The following CDK17 variants were observed in gnomAD, a reference collection of about 807,000 sequenced individuals.
CDK17 encodes cyclin-dependent kinase 17.
A neutral mutation model predicts 77.6 loss-of-function variants in CDK17; 24 were observed. That is an observed-to-expected ratio of 0.31 (90% CI 0.22 to 0.44). The LOEUF (loss-of-function observed/expected upper bound fraction) is 0.44. Among genes scored for constraint, CDK17 ranks in the 20% least tolerant of loss-of-function variants. The probability of loss-of-function intolerance (pLI) is 1.00; values close to 1 mark genes in which losing one functional copy is unlikely to be tolerated. For synonymous variants in CDK17, 203 were observed against 210.4 expected, an observed-to-expected ratio of 0.96 and a Z score of 0.30; for missense variants, 429 against 622.5, an observed-to-expected ratio of 0.69 and a Z score of 3.31.
chr12:96,309,287 C>T (rs919652511), intron 5 of CDK17, among the ~76,000 whole-genome samples: 3 of 148,836 alleles, frequency 2.0e-5, no homozygotes, highest in Non-Finnish European at 3.0e-5. Flanking sequence ...CATTCATAGG[C>T]CGTTTTTGAC....
At chr12:96,316,201 A>C (rs1032565696) in intron 3 of CDK17, among the ~76,000 whole-genome samples, 4 of 152,076 alleles carry the variant, frequency 2.6e-5, no homozygotes, top group Admixed American at 1.3e-4. Context: ...TGACGGACGC[A>C]CCTGGAAAAT....
intron 1 of CDK17, among the ~76,000 whole-genome samples, chr12:96,357,194 G>T (rs927000054): frequency 1.3e-5 from 2 of 152,216 alleles, no homozygotes; most frequent in Non-Finnish European, 2.9e-5. Context: ...AGGCACTGTG[G>T]CTCATGGCTA....
intron 1 of CDK17, among the ~76,000 whole-genome samples, chr12:96,383,923 A>AACTAAAGAGCTTCTGCATG (rs1352818888): frequency 1.3e-5 from 2 of 152,206 alleles, no homozygotes; most frequent in Non-Finnish European, 2.9e-5. Context: ...GACGTAATGA[A>AACTAAAGAGCTTCTGCATG]ACTAAAGAGC....
At chr12:96,314,513 C>T (rs780799318) in intron 3 of CDK17, among the ~76,000 whole-genome samples, 49 of 152,244 alleles carry the variant, frequency 3.2e-4, no homozygotes, top group Non-Finnish European at 6.6e-4. Context: ...AGGTCATCAC[C>T]AAGGTCTGAT....
intron 1 of CDK17, among the ~76,000 whole-genome samples, chr12:96,377,951 C>T (rs1953813526): frequency 6.6e-6 from 1 of 152,164 alleles, no homozygotes; most frequent in South Asian, 2.1e-4. Flanking sequence ...CCTTGGCCTC[C>T]CAAAGTGCTG....
intron 7 of CDK17, among the ~76,000 whole-genome samples, chr12:96,298,053 G>T (rs1358491605): frequency 2.6e-5 from 4 of 152,176 alleles, no homozygotes; most frequent in African/African-American, 7.2e-5. Context: ...CACTTTGGAA[G>T]GCCAAGGCGG....
At chr12:96,379,721 G>A (rs576136124) in intron 1 of CDK17, among the ~76,000 whole-genome samples, 296 of 152,198 alleles carry the variant, frequency 1.9e-3, no homozygotes, top group Middle Eastern at 6.8e-3. Flanking sequence ...ATCAGCCACC[G>A]TGTCCAGAAG....
chr12:96,364,831 T>C (rs1311189296), intron 1 of CDK17, among the ~76,000 whole-genome samples: 4 of 152,214 alleles, frequency 2.6e-5, no homozygotes, highest in Admixed American at 2.0e-4. Context: ...GTCCTACCTT[T>C]AGTTTCATCA....
intron 1 of CDK17, among the ~76,000 whole-genome samples, chr12:96,367,070 T>C (rs1953597163): frequency 6.6e-6 from 1 of 151,974 alleles, no homozygotes; most frequent in Non-Finnish European, 1.5e-5. Flanking sequence ...TATGGCCATG[T>C]GCGATGGCTC....
At chr12:96,342,027 A>C (rs1290522879) in intron 1 of CDK17, among the ~76,000 whole-genome samples, 1 of 152,246 alleles carries the variant, frequency 6.6e-6, no homozygotes, top group African/African-American at 2.4e-5. Context: ...TAAATAAGCA[A>C]AACATACACG....
intron 2 of CDK17, among the ~76,000 whole-genome samples, chr12:96,328,396 C>T (rs75881970): frequency 0.027 from 4,140 of 152,100 alleles, 194 homozygotes; most frequent in African/African-American, 0.095. Flanking sequence ...ACCATTCCCC[C>T]AACCTCAGTC....
In CDK17 at chr12:96,316,118, G is replaced by A. The variant is rs560210742; in HGVS notation, c.284-2664C>T. 1.5e-3 allele frequency among the ~76,000 whole-genome samples: 226 copies of A among 152,318 alleles called. 1 individual carries two copies. Among genetic ancestry groups the A allele is most frequent in the African/African-American group, 5.3e-3 (221 of 41,582 alleles). ...GTGTGCGCACCGTGCACTAGCCGAAGCAGGGCGAGGCATTGCCTCACCTGG... is the reference window on the plus strand; with the variant it reads ...GTGTGCGCACCGTGCACTAGCCGAAACAGGGCGAGGCATTGCCTCACCTGG... On this transcript the variant is annotated intron_variant, in intron 3 of 16. Coordinates refer to ENST00000261211, the MANE Select transcript of CDK17 (RefSeq NM_002595.5).
chr12:96,301,904 G>A (rs998019617), intron 5 of CDK17, among the ~76,000 whole-genome samples: 2 of 152,054 alleles, frequency 1.3e-5, no homozygotes, highest in African/African-American at 4.8e-5. Context: ...TTATCTTTTT[G>A]TTACAATGAT....
intron 2 of CDK17, among the ~76,000 whole-genome samples, chr12:96,326,252 G>A (rs1239640294): frequency 6.6e-6 from 1 of 152,110 alleles, no homozygotes; most frequent in Non-Finnish European, 1.5e-5. Flanking sequence ...ACTATTCTAG[G>A]CACTGGGCAT....
intron 10 of CDK17, among the ~76,000 whole-genome samples, chr12:96,293,418 A>G (rs1469704365): frequency 6.6e-6 from 1 of 152,220 alleles, no homozygotes; most frequent in Non-Finnish European, 1.5e-5. Flanking sequence ...GCTTTGATAC[A>G]TATCACAATA....
intron 1 of CDK17, among the ~76,000 whole-genome samples, chr12:96,352,079 A>C (rs770083893): frequency 6.6e-6 from 1 of 152,170 alleles, no homozygotes; most frequent in Non-Finnish European, 1.5e-5. Flanking sequence ...CTGCAATAGG[A>C]GGGGGAAACC....
intron 1 of CDK17, among the ~76,000 whole-genome samples, chr12:96,353,503 G>A (rs747198447): frequency 1.3e-4 from 19 of 150,392 alleles, no homozygotes; most frequent in Non-Finnish European, 2.8e-4. Flanking sequence ...TATGTGTGAA[G>A]TAAAGAATGC....
chr12:96,282,803 C>T (rs1305188354), intron 14 of CDK17, among the ~76,000 whole-genome samples: 1 of 152,148 alleles, frequency 6.6e-6, no homozygotes, highest in African/African-American at 2.4e-5. Context: ...ATCTCAGTTC[C>T]ACATTTCTAA....
At chr12:96,298,725 ATT>A in intron 7 of CDK17, 142 bp downstream of exon 7, 1 of 534,324 alleles carries the variant, frequency 1.9e-6, no homozygotes, top group Non-Finnish European at 3.3e-6. Context: ...CCCTTTGAGT[ATT>A]TGTTTTAGAA....
Sources: allele counts gnomAD v4.1 joint callset (sites outside exome capture counted in the v4.1 genomes callset), GRCh38; gene constraint gnomAD v4.1.1; transcripts MANE v1.5; gene names NCBI Gene and HGNC (gene_info 2026-07-23, HGNC 2026-07-21).